The following PTPRN2 variants were observed in gnomAD, a reference collection of about 807,000 sequenced individuals.
PTPRN2 encodes the protein receptor-type tyrosine-protein phosphatase N2.
In PTPRN2, 74 loss-of-function variants were observed where a neutral mutation model predicts 118.8. The observed-to-expected ratio is 0.62, with a 90% CI of 0.52 to 0.76. PTPRN2 has a LOEUF of 0.76. PTPRN2 is among the 30% of genes least tolerant of loss of function. PTPRN2 has a pLI of 0.00. For synonymous variants in PTPRN2, 641 were observed against 608.0 expected (o/e 1.05, Z -0.80); for missense variants, 1,481 against 1,394.4 (o/e 1.06, Z -0.99).
chr7:157,775,783 T>C (rs1458515770), intron 12 of PTPRN2, among the ~76,000 whole-genome samples: 1 of 152,108 alleles, frequency 6.6e-6, no homozygotes, highest in African/African-American at 2.4e-5. Context: ...CCCGCAGGCC[T>C]GCAGGCTGGG....
chr7:158,026,964 A>G (rs1807321025), intron 11 of PTPRN2, among the ~76,000 whole-genome samples: 1 of 152,228 alleles, frequency 6.6e-6, no homozygotes, highest in Non-Finnish European at 1.5e-5. Context: ...CAAACGGTTC[A>G]AATGACCCCA....
chr7:158,136,648 A>G lies in PTPRN2; in HGVS notation c.1173+7T>C, dbSNP rs776465091. On this transcript the variant is annotated splice_region_variant and intron_variant, in intron 8 of 22. Coordinates refer to ENST00000389418, the MANE Select transcript of PTPRN2 (RefSeq NM_002847.5). The stretch of plus-strand genomic sequence containing the variant: ...ACATGAAACAAACACCAGAGACGTC[A>G]TCTTACCTCTTGGTAAAGTCTATCA... The G allele has an allele frequency of 1.2e-6, 2 of 1,612,628 alleles. No individual in the cohort carries two copies. Among genetic ancestry groups the G allele is most frequent in the Non-Finnish European group, 1.7e-6 (2 of 1,178,640 alleles).
At chr7:158,060,904 T>A (rs1252883599) in intron 11 of PTPRN2, among the ~76,000 whole-genome samples, 1 of 152,240 alleles carries the variant, frequency 6.6e-6, no homozygotes, top group African/African-American at 2.4e-5. Context: ...TTTATTAAGT[T>A]ATTTTACCAA....
At chr7:158,514,394 C>T (rs930812352) in intron 1 of PTPRN2, among the ~76,000 whole-genome samples, 4 of 152,176 alleles carry the variant, frequency 2.6e-5, no homozygotes, top group South Asian at 2.1e-4. Context: ...CTCAGAATGA[C>T]GTGGGCTGCC....
intron 13 of PTPRN2, among the ~76,000 whole-genome samples, chr7:157,681,193 C>T (rs1382085832): frequency 1.3e-5 from 2 of 152,182 alleles, no homozygotes; most frequent in African/African-American, 2.4e-5. Context: ...TATCAAAGGG[C>T]GCCACGCTTT....
chr7:158,319,109 T>C (rs1802590102), intron 2 of PTPRN2, among the ~76,000 whole-genome samples: 1 of 152,220 alleles, frequency 6.6e-6, no homozygotes, highest in African/African-American at 2.4e-5. Context: ...CTTGAAAACT[T>C]TCTTTTAAAC....
intron 2 of PTPRN2, among the ~76,000 whole-genome samples, chr7:158,460,737 C>A (rs1048611262): frequency 1.3e-5 from 2 of 150,688 alleles, no homozygotes; most frequent in African/African-American, 4.9e-5. Flanking sequence ...GAAAGTCAAG[C>A]CATGGCCCCA....
chr7:157,584,597 C>T lies in PTPRN2; in HGVS notation c.2497-6457G>A, dbSNP rs148082092. Among the ~76,000 whole-genome samples the T allele has an allele frequency of 4.6e-3, 699 of 152,340 alleles. 1 individual carries two copies. Among genetic ancestry groups the T allele is most frequent in the Non-Finnish European group, 7.9e-3 (540 of 68,036 alleles). ...AGATGCATTTCCTCCAGAGCAGGTG[C>T]GGGGCCCACGCAATTCTGCTGCACA... On this transcript the variant is annotated intron_variant, in intron 17 of 22. Coordinates refer to ENST00000389418, the MANE Select transcript of PTPRN2 (RefSeq NM_002847.5).
chr7:158,162,587 G>A (rs932246902), intron 6 of PTPRN2, among the ~76,000 whole-genome samples: 3 of 152,052 alleles, frequency 2.0e-5, no homozygotes, highest in South Asian at 2.1e-4. Flanking sequence ...GCCAGGTCTC[G>A]AGTGGGGAAA....
At chr7:158,140,354 G>A (rs542065586) in intron 6 of PTPRN2, among the ~76,000 whole-genome samples, 6 of 152,194 alleles carry the variant, frequency 3.9e-5, no homozygotes, top group Non-Finnish European at 5.9e-5. Context: ...AATTGGACTC[G>A]TAAGTATTTA....
intron 3 of PTPRN2, among the ~76,000 whole-genome samples, chr7:158,206,566 AG>A (rs897008470): frequency 6.6e-6 from 1 of 151,316 alleles, no homozygotes; most frequent in Non-Finnish European, 1.5e-5. Context: ...AAGCTCGGGG[AG>A]GGGGGGAGAG....
intron 2 of PTPRN2, among the ~76,000 whole-genome samples, chr7:158,317,713 C>T (rs569205859): frequency 1.3e-5 from 2 of 152,330 alleles, no homozygotes; most frequent in East Asian, 1.9e-4. Flanking sequence ...TCTGCAGCTT[C>T]GGGCGGGGCG....
intron 12 of PTPRN2, among the ~76,000 whole-genome samples, chr7:157,826,747 T>A (rs955644789): frequency 2.0e-5 from 3 of 151,624 alleles, no homozygotes; most frequent in Admixed American, 6.6e-5. Flanking sequence ...CAAGTGGGAG[T>A]CCTGATTGCA....
intron 1 of PTPRN2, among the ~76,000 whole-genome samples, chr7:158,490,782 G>A (rs931377339): frequency 1.3e-5 from 2 of 152,242 alleles, no homozygotes; most frequent in Non-Finnish European, 2.9e-5. Context: ...GATCCCTGTG[G>A]AAGCCCCAGA....
chr7:158,186,822 G>C (rs79705266), intron 5 of PTPRN2, among the ~76,000 whole-genome samples: 1 of 152,196 alleles, frequency 6.6e-6, no homozygotes, highest in Non-Finnish European at 1.5e-5. Context: ...CTCCTACCCA[G>C]CAAAACTGTA....
chr7:158,071,863 CG>C (rs1811882359), intron 11 of PTPRN2, among the ~76,000 whole-genome samples: 1 of 7,886 alleles, frequency 1.3e-4, no homozygotes, highest in African/African-American at 8.5e-4. Flanking sequence ...TGGAGGTGCT[CG>C]TCATATGGAG....
intron 2 of PTPRN2, among the ~76,000 whole-genome samples, chr7:158,467,275 G>A (rs1294911554): frequency 1.3e-5 from 1 of 78,648 alleles, no homozygotes; most frequent in Non-Finnish European, 2.9e-5. Flanking sequence ...GGGTTTTTTG[G>A]CTTTTGGGTT....
chr7:157,757,654 T>C (rs1426801237), intron 12 of PTPRN2, among the ~76,000 whole-genome samples: 1 of 150,410 alleles, frequency 6.6e-6, no homozygotes, highest in Non-Finnish European at 1.5e-5. Flanking sequence ...TGGTATGCTC[T>C]GTGGCTCACA....
intron 13 of PTPRN2, among the ~76,000 whole-genome samples, chr7:157,669,268 C>A (rs1219015376): frequency 6.6e-6 from 1 of 152,246 alleles, no homozygotes; most frequent in Non-Finnish European, 1.5e-5. Flanking sequence ...GGCAGCCGAG[C>A]CTGTCCGTGA....
Sources: allele counts gnomAD v4.1 joint callset (sites outside exome capture counted in the v4.1 genomes callset), GRCh38; gene constraint gnomAD v4.1.1; transcripts MANE v1.5; gene names NCBI Gene and HGNC (gene_info 2026-07-23, HGNC 2026-07-21).